STXBP4: variants seen among roughly 807,000 people sequenced by gnomAD.
STXBP4 encodes the protein syntaxin-binding protein 4.
A neutral mutation model predicts 76.1 loss-of-function variants in STXBP4; 55 were observed. The observed-to-expected ratio is 0.72, with a 90% CI of 0.58 to 0.91. STXBP4 has a LOEUF of 0.91. Ranked by LOEUF, STXBP4 falls within the 40% of genes least tolerant of loss-of-function variation. STXBP4 has a pLI of 0.00. For synonymous variants in STXBP4, 201 were observed against 220.2 expected (o/e 0.91, Z 0.77); for missense variants, 618 against 636.9 (o/e 0.97, Z 0.32).
At chr17:55,210,534 T>C in the STXBP4 span, among the ~76,000 whole-genome samples, 545 of 152,318 alleles carry the variant, frequency 3.6e-3, 5 homozygotes, top group African/African-American at 0.013. Flanking sequence ...AAATAACAAA[T>C]GCCACAAATA....
At chr17:55,063,159 C>T (rs2079013944) in intron 12 of STXBP4, among the ~76,000 whole-genome samples, 1 of 152,184 alleles carries the variant, frequency 6.6e-6, no homozygotes, top group Admixed American at 6.5e-5. Flanking sequence ...AGACACCAAC[C>T]ATACCTAGTG....
chr17:55,139,266 G>A (rs189941404), intron 16 of STXBP4, among the ~76,000 whole-genome samples: 3 of 152,266 alleles, frequency 2.0e-5, no homozygotes, highest in Admixed American at 6.5e-5. Flanking sequence ...ACATGATCCT[G>A]TAGATTAAAA....
rs968730436 is a variant in STXBP4 at position 55,107,925 on chromosome 17, C to T, written c.1489+26742C>T. ...GGATCCGCTTGAGGATGCAGTATGT[C>T]CCTTAGTAGAGCTCAAGCGCTGTGC... On this transcript the variant is annotated intron_variant, in intron 16 of 17. Coordinates refer to ENST00000376352, the MANE Select transcript of STXBP4 (RefSeq NM_178509.6). 2.6e-5 allele frequency among the ~76,000 whole-genome samples: 4 copies of T among 152,214 alleles called. No homozygotes were observed. The South Asian group carries it at 6.2e-4, about 24-fold the overall frequency.
intron 16 of STXBP4, among the ~76,000 whole-genome samples, chr17:55,101,004 G>A (rs2079556913): frequency 6.6e-6 from 1 of 152,142 alleles, no homozygotes; most frequent in South Asian, 2.1e-4. Context: ...CCTGTAGATT[G>A]AAGCCTTATG....
chr17:55,126,891 A>G (rs865963069), intron 16 of STXBP4, among the ~76,000 whole-genome samples: 5 of 152,246 alleles, frequency 3.3e-5, no homozygotes, highest in Non-Finnish European at 7.3e-5. Context: ...CAGCATAAAG[A>G]TGAAAGGAAG....
At chr17:54,995,676 C>G (rs2144448659) in intron 4 of STXBP4, among the ~76,000 whole-genome samples, 1 of 152,174 alleles carries the variant, frequency 6.6e-6, no homozygotes, top group East Asian at 1.9e-4. Flanking sequence ...AGCACTGGAA[C>G]CAGGGCTAAG....
rs531559922 is a variant in STXBP4, at chr17:55,080,424, A to G, written c.1356-626A>G. On this transcript the variant is annotated intron_variant, in intron 15 of 17. Coordinates refer to ENST00000376352, the MANE Select transcript of STXBP4 (RefSeq NM_178509.6). ...TTAGGAAGATGGAGTATAAATAATG[A>G]TGATTTTGTCATCAGTTTAAATTTT... is the stretch of plus-strand genomic sequence containing the variant. Among the ~76,000 whole-genome samples the G allele has an allele frequency of 2.0e-5, 3 of 152,268 alleles. No homozygotes were observed. The South Asian group carries it at 6.2e-4, about 32-fold the overall frequency.
chr17:54,969,434 G>A (rs1268417373), intron 1 of STXBP4, among the ~76,000 whole-genome samples: 2 of 152,200 alleles, frequency 1.3e-5, no homozygotes, highest in East Asian at 3.9e-4. Context: ...TAGCAGTTAA[G>A]AGCTCAGGTT....
chr17:55,097,439 G>A (rs144971899), intron 16 of STXBP4, among the ~76,000 whole-genome samples: 1,526 of 152,204 alleles, frequency 0.01, 16 homozygotes, highest in Non-Finnish European at 0.016. Context: ...CAAGGCGGGC[G>A]GATCACGAGG....
At chr17:55,132,392 T>C (rs2079982808) in intron 16 of STXBP4, among the ~76,000 whole-genome samples, 1 of 152,126 alleles carries the variant, frequency 6.6e-6, no homozygotes, top group Non-Finnish European at 1.5e-5. Context: ...GGTTTCACCA[T>C]GTTGGTCAGG....
At chr17:55,024,433 A>G (rs752273566) in intron 8 of STXBP4, among the ~76,000 whole-genome samples, 13 of 152,210 alleles carry the variant, frequency 8.5e-5, no homozygotes, top group Non-Finnish European at 1.6e-4. Context: ...AATTCATCAT[A>G]TTTCTTTCCT....
At chr17:55,104,187 C>T (rs1472991605) in intron 16 of STXBP4, among the ~76,000 whole-genome samples, 1 of 152,172 alleles carries the variant, frequency 6.6e-6, no homozygotes, top group Non-Finnish European at 1.5e-5. Context: ...TGAGAGACGG[C>T]ATCCTTGTCT....
At chr17:55,158,819 T>C (rs778120056) in intron 17 of STXBP4, among the ~76,000 whole-genome samples, 1 of 152,206 alleles carries the variant, frequency 6.6e-6, no homozygotes, top group Non-Finnish European at 1.5e-5. Flanking sequence ...GGCCTAAAAA[T>C]AAACAAGCAT....
intron 1 of STXBP4, among the ~76,000 whole-genome samples, chr17:54,980,147 T>C (rs1432024086): frequency 2.6e-5 from 4 of 152,148 alleles, no homozygotes; most frequent in Non-Finnish European, 5.9e-5. Flanking sequence ...TTCCACTGCT[T>C]TATTAGTAAC....
At chr17:54,990,716 G>GA in intron 3 of STXBP4, 109 bp from the exon 4 acceptor site, 1 of 1,322,410 alleles carries the variant, frequency 7.6e-7, no homozygotes, top group South Asian at 1.6e-5. Flanking sequence ...CAAAAAAGGT[G>GA]AGGGGTTGCT....
In STXBP4 at chr17:55,021,520, A is replaced by G. The variant is rs562178559; in HGVS notation, c.667-9648A>G. Reference sequence around the variant, plus strand: ...GCAAGAGTGAGATCCTATCTCTAAAAATAATCATAATCATAATTTTTTTAT... The same window carrying G: ...GCAAGAGTGAGATCCTATCTCTAAAGATAATCATAATCATAATTTTTTTAT... On this transcript the variant is annotated intron_variant, in intron 8 of 17. Transcript: ENST00000376352. Among the ~76,000 whole-genome samples the G allele has an allele frequency of 2.3e-4, 35 of 152,208 alleles. 1 individual carries two copies. Among genetic ancestry groups the G allele is most frequent in the African/African-American group, 8.4e-4 (35 of 41,510 alleles).
rs375272647 is a variant in STXBP4, at chr17:55,077,304, G to C, written c.1189-774G>C. On this transcript the variant is annotated intron_variant, in intron 13 of 17. Coordinates refer to ENST00000376352, the MANE Select transcript of STXBP4 (RefSeq NM_178509.6). ...CAGAGTTTTGAGTTTGCTTCTGCTA[G>C]CCTGGGACCAATTTAAAGTAAAATT... Among the ~76,000 whole-genome samples the C allele has an allele frequency of 1.4e-3, 209 of 152,264 alleles. 1 individual carries two copies. The highest frequency in any genetic ancestry group is 4.8e-3 in the African/African-American group (200 of 41,546).
intron 16 of STXBP4, among the ~76,000 whole-genome samples, chr17:55,121,565 CCTTAATAT>C (rs1160040758): frequency 6.6e-6 from 1 of 152,160 alleles, no homozygotes; most frequent in Non-Finnish European, 1.5e-5. Flanking sequence ...AACCTGGTAA[CCTTAATAT>C]CTTAATTAAC....
chr17:55,032,637 G>A (rs1412351580), intron 9 of STXBP4, among the ~76,000 whole-genome samples: 7 of 152,066 alleles, frequency 4.6e-5, no homozygotes, highest in Non-Finnish European at 7.4e-5. Flanking sequence ...ATCTCCCACC[G>A]TACACCTCCA....
Sources: gnomAD v4.1 joint callset for allele counts (sites outside exome capture counted in the v4.1 genomes callset) on GRCh38, gnomAD v4.1.1 for gene constraint, MANE v1.5 for transcripts, NCBI Gene and HGNC (gene_info 2026-07-23, HGNC 2026-07-21) for gene names.